TF: variants seen among roughly 807,000 people sequenced by gnomAD.
The protein encoded by TF is transferrin.
Under a neutral mutation model 82.4 loss-of-function variants are expected in TF, and 55 were observed. The ratio of observed to expected loss-of-function variants is 0.67; its 90% confidence interval spans 0.54 to 0.84. The LOEUF is 0.84. TF is among the 40% of genes least tolerant of loss of function. The pLI is 0.00. For missense variants in TF, 737 were observed against 868.4 expected (o/e 0.85, Z 1.90); for synonymous variants, 332 against 332.6 (o/e 1.00, Z 0.02).
At chr3:133,736,959 C>G in the TF span, among the ~76,000 whole-genome samples, 5 of 152,120 alleles carry the variant, frequency 3.3e-5, no homozygotes, top group African/African-American at 1.2e-4. Context: ...CAGCTCTGGA[C>G]CAAGCGGACC....
chr3:133,696,093 C>T, the TF span, among the ~76,000 whole-genome samples: 1 of 152,110 alleles, frequency 6.6e-6, no homozygotes, highest in African/African-American at 2.4e-5. Context: ...AGAGAGAGGC[C>T]ATATTCACTT....
At chr3:133,768,951 C>T (rs1934195993) in intron 13 of TF, among the ~76,000 whole-genome samples, 1 of 152,002 alleles carries the variant, frequency 6.6e-6, no homozygotes, top group Admixed American at 6.6e-5. Context: ...CACCATCACA[C>T]CCAGCTAATT....
the TF span, among the ~76,000 whole-genome samples, chr3:133,717,189 G>A: frequency 2.0e-5 from 3 of 152,094 alleles, no homozygotes; most frequent in Non-Finnish European, 2.9e-5. Flanking sequence ...CAAGGACCCC[G>A]TTGGTTGTAA....
At chr3:133,733,538 G>A in the TF span, among the ~76,000 whole-genome samples, 20 of 152,166 alleles carry the variant, frequency 1.3e-4, no homozygotes, top group South Asian at 2.1e-4. Context: ...TGTCAGCCTG[G>A]GGGGTCAAGT....
intron 5 of TF, 135 bp from the exon 6 acceptor site, chr3:133,756,147 C>T (rs768188315): frequency 3.7e-6 from 3 of 810,994 alleles, no homozygotes; most frequent in Non-Finnish European, 6.2e-6. Context: ...GTCTGCACAC[C>T]ATGGTGTTGC....
At chr3:133,775,301 T>C in intron 14 of TF, 132 bp from the exon 15 acceptor site, 1 of 875,226 alleles carries the variant, frequency 1.1e-6, no homozygotes, top group Non-Finnish European at 1.9e-6. Flanking sequence ...TCCACATCAC[T>C]GTAACCCCAG....
chr3:133,669,061 C>T, the TF span, among the ~76,000 whole-genome samples: 18 of 152,092 alleles, frequency 1.2e-4, no homozygotes, highest in South Asian at 2.1e-4. Context: ...AGTGCAATGG[C>T]GCGATCTCAG....
intron 12 of TF, among the ~76,000 whole-genome samples, chr3:133,767,128 T>A (rs1934147496): frequency 1.3e-5 from 2 of 152,172 alleles, no homozygotes; most frequent in Non-Finnish European, 2.9e-5. Context: ...CCCGGGTCTC[T>A]TCATGGTGTT....
chr3:133,723,836 T>C, the TF span, among the ~76,000 whole-genome samples: 1 of 151,676 alleles, frequency 6.6e-6, no homozygotes, highest in African/African-American at 2.4e-5. Flanking sequence ...CCCCAGAGTA[T>C]GATGTTCCCC....
chr3:133,723,103 A>T, the TF span, among the ~76,000 whole-genome samples: 1 of 152,072 alleles, frequency 6.6e-6, no homozygotes, highest in Non-Finnish European at 1.5e-5. Context: ...ATGTCATGCC[A>T]TTCTCTCCTG....
At chr3:133,741,043 G>T (rs181941928), upstream of TF, among the ~76,000 whole-genome samples, 142 of 139,158 alleles carry the variant, frequency 1.0e-3, 1 homozygote, top group African/African-American at 3.7e-3. Context: ...CCAGGCTGGA[G>T]TGTAGTGGCA....
upstream of TF, among the ~76,000 whole-genome samples, chr3:133,743,379 G>A (rs1249947579): frequency 6.6e-6 from 1 of 152,048 alleles, no homozygotes; most frequent in Non-Finnish European, 1.5e-5. Flanking sequence ...GCAAAGCCCT[G>A]GGGGCTGTGT....
chr3:133,723,763 C>T, the TF span, among the ~76,000 whole-genome samples: 1 of 151,066 alleles, frequency 6.6e-6, no homozygotes, highest in South Asian at 2.1e-4. Flanking sequence ...CCCATTAACT[C>T]GTCATTTAGC....
chr3:133,669,414 CAT>C, the TF span, among the ~76,000 whole-genome samples: 1 of 152,204 alleles, frequency 6.6e-6, no homozygotes, highest in Non-Finnish European at 1.5e-5. Context: ...AGACCCCAGA[CAT>C]GTGCTCCCCT....
chr3:133,753,468 G>A, intron 2 of TF, 127 bp from the exon 3 acceptor site: 1 of 770,552 alleles, frequency 1.3e-6, no homozygotes, highest in Admixed American at 1.9e-5. Flanking sequence ...GCAGGGCTGT[G>A]CGTGGTCTAG....
At chr3:133,688,766 T>C in the TF span, among the ~76,000 whole-genome samples, 1 of 152,244 alleles carries the variant, frequency 6.6e-6, no homozygotes, top group Non-Finnish European at 1.5e-5. Context: ...GCATATAAGA[T>C]AGAAGAAACA....
At chr3:133,743,844 A>G (rs183583487), upstream of TF, among the ~76,000 whole-genome samples, 24 of 152,320 alleles carry the variant, frequency 1.6e-4, 1 homozygote, top group East Asian at 4.1e-3. Context: ...CTATAGACAT[A>G]TACAGGCATA....
intron 13 of TF, 22 bp from the exon 14 acceptor site, chr3:133,770,486 T>A: frequency 6.2e-7 from 1 of 1,613,758 alleles, no homozygotes; most frequent in South Asian, 1.1e-5. Flanking sequence ...TTTTTTTCTC[T>A]CCCACTTCTG....
chr3:133,694,199 G>C, the TF span: 4 of 152,968 alleles, frequency 2.6e-5, no homozygotes, highest in African/African-American at 9.7e-5. Flanking sequence ...TGGGGTCCAT[G>C]TCTCTGTGTT....
Sources: gnomAD v4.1 joint callset for allele counts (sites outside exome capture counted in the v4.1 genomes callset) on GRCh38, gnomAD v4.1.1 for gene constraint, MANE v1.5 for transcripts, NCBI Gene and HGNC (gene_info 2026-07-23, HGNC 2026-07-21) for gene names.